The following CAPZB variants were observed in gnomAD, a reference collection of about 807,000 sequenced individuals.
CAPZB encodes F-actin-capping protein subunit beta.
CAPZB carries 2 observed loss-of-function variants against 38.1 expected under a neutral mutation model. The ratio of observed to expected loss-of-function variants is 0.05; its 90% CI spans 0.02 to 0.17. The LOEUF is 0.17. Ranked by LOEUF, CAPZB falls within the 10% of genes least tolerant of loss-of-function variation. The pLI is 1.00. For missense variants in CAPZB, 161 were observed against 334.2 expected (o/e 0.48, Z 4.04); for synonymous variants, 107 against 127.4 (o/e 0.84, Z 1.08).
intron 2 of CAPZB, among the ~76,000 whole-genome samples, chr1:19,393,398 C>T (rs958732182): frequency 2.6e-5 from 4 of 152,204 alleles, no homozygotes; most frequent in Admixed American, 2.0e-4. Flanking sequence ...AACATATCTC[C>T]TTAGGATAAT....
intron 1 of CAPZB, among the ~76,000 whole-genome samples, chr1:19,480,169 G>A (rs1010247850): frequency 2.0e-5 from 3 of 152,080 alleles, no homozygotes; most frequent in East Asian, 1.9e-4. Context: ...CTTTTTGGAC[G>A]CATCTTGCCT....
chr1:19,423,771 T>C (rs1376525159), intron 1 of CAPZB, among the ~76,000 whole-genome samples: 2 of 152,018 alleles, frequency 1.3e-5, no homozygotes, highest in Non-Finnish European at 2.9e-5. Flanking sequence ...CACTGTAGCC[T>C]CCACCTCCCA....
At chr1:19,358,839 C>G (rs940387871) in intron 4 of CAPZB, among the ~76,000 whole-genome samples, 39 of 152,212 alleles carry the variant, frequency 2.6e-4, no homozygotes, top group Non-Finnish European at 4.1e-4. Context: ...AGCACCCTGC[C>G]CTCAGCCCTG....
chr1:19,401,372 GC>G, intron 2 of CAPZB, among the ~76,000 whole-genome samples: 1 of 152,296 alleles, frequency 6.6e-6, no homozygotes, highest in Middle Eastern at 3.4e-3. Flanking sequence ...ATTAGGGAAA[GC>G]TTTGCAAAGC....
chr1:19,450,144 C>CAAAAA lies in CAPZB; in HGVS notation c.4-30399_4-30395dup, dbSNP rs71008167. Among the ~76,000 whole-genome samples, 83 of 35,030 alleles carry CAAAAA rather than the reference C, an allele frequency of 2.4e-3. 1 individual carries two copies. The highest frequency in any genetic ancestry group is 2.6e-3 in the Non-Finnish European group (40 of 15,682). The allele number at this position is 35,030 out of a possible 152,430, so 23.0% of individuals were successfully genotyped here. A position where few individuals can be genotyped will look rare whatever the true frequency, so the allele number is the denominator to read the frequency against. ...GGGCAACAGAGCAAGACCCTGTCTCCAAAAAAAAAAAAAAAAAAAAAAAAA... is the reference window on the plus strand; with the variant it reads ...GGGCAACAGAGCAAGACCCTGTCTCCAAAAAAAAAAAAAAAAAAAAAAAAAAAAAA... On this transcript the variant is annotated intron_variant, in intron 1 of 8. Transcript: ENST00000264202.
intron 8 of CAPZB, among the ~76,000 whole-genome samples, 200 bp downstream of exon 8, chr1:19,344,158 A>G (rs1217418294): frequency 6.6e-6 from 1 of 152,144 alleles, no homozygotes; most frequent in East Asian, 1.9e-4. Flanking sequence ...GCAGATAGGG[A>G]CCGACAGCTG....
chr1:19,359,139 A>T (rs2094038265), intron 4 of CAPZB, among the ~76,000 whole-genome samples: 1 of 152,110 alleles, frequency 6.6e-6, no homozygotes, highest in Admixed American at 6.6e-5. Flanking sequence ...ATGTCTCACC[A>T]AAGCTATTAT....
At chr1:19,366,311 A>ATATATATAT (rs1558189927) in intron 4 of CAPZB, among the ~76,000 whole-genome samples, 675 of 63,110 alleles carry the variant, frequency 0.011, 51 homozygotes, top group African/African-American at 0.04. Flanking sequence ...TATATATATA[A>ATATATATAT]ATAAAATAAA....
At chr1:19,383,876 C>T (rs2094189741) in intron 3 of CAPZB, among the ~76,000 whole-genome samples, 1 of 152,126 alleles carries the variant, frequency 6.6e-6, no homozygotes, top group South Asian at 2.1e-4. Context: ...ACCCCACCTC[C>T]TCTTCTTCCA....
chr1:19,339,672 G>A (rs980078694), intron 8 of CAPZB, 55 bp from the exon 9 acceptor site: 4 of 1,327,220 alleles, frequency 3.0e-6, no homozygotes, highest in Non-Finnish European at 4.4e-6. Flanking sequence ...GTGAGGCGGT[G>A]GAGGCCTGGG....
chr1:19,406,475 T>C (rs1454636391), intron 2 of CAPZB, among the ~76,000 whole-genome samples: 2 of 152,300 alleles, frequency 1.3e-5, no homozygotes, highest in East Asian at 3.9e-4. Context: ...GAGTAACTTC[T>C]TGCCGGTGCT....
rs2093948418 is a variant in CAPZB at position 19,344,218 on chromosome 1, A to C, written c.731+140T>G. The C allele has an allele frequency of 4.4e-6, 3 of 677,322 alleles. No homozygotes were observed. The South Asian group carries it at 5.2e-5, about 12-fold the overall frequency. The allele number at this position is 677,322 out of a possible 1,614,324, so 42.0% of individuals were successfully genotyped here. A position where few individuals can be genotyped will look rare whatever the true frequency, so the allele number is the denominator to read the frequency against. On this transcript the variant is annotated intron_variant, in intron 8 of 8. Transcript: ENST00000264202. ...CAGGACTTTACTTTCCAAAATCAAC[A>C]TAATGATCATCCCAGAAGAGGGGCA...
intron 4 of CAPZB, chr1:19,374,477 C>T (rs1046540932): frequency 2.0e-5 from 3 of 152,266 alleles, no homozygotes; most frequent in Admixed American, 6.5e-5. Context: ...AATTAAAGAC[C>T]CTGTCAACAC....
chr1:19,468,017 C>A (rs1472831349), intron 1 of CAPZB, among the ~76,000 whole-genome samples: 1 of 152,124 alleles, frequency 6.6e-6, no homozygotes, highest in Admixed American at 6.5e-5. Context: ...GCAGGAGGAT[C>A]CCTTGAGCTC....
chr1:19,395,487 G>C (rs2094262228), intron 2 of CAPZB, among the ~76,000 whole-genome samples: 1 of 152,194 alleles, frequency 6.6e-6, no homozygotes, highest in African/African-American at 2.4e-5. Context: ...TTGCCCTCTG[G>C]AATCTCACAG....
chr1:19,403,562 C>T (rs1026730371), intron 2 of CAPZB, among the ~76,000 whole-genome samples: 28 of 152,200 alleles, frequency 1.8e-4, no homozygotes, highest in African/African-American at 6.8e-4. Context: ...ATGTGTTCTC[C>T]GGGCTTGATC....
intron 2 of CAPZB, among the ~76,000 whole-genome samples, chr1:19,390,131 TAATCTAACC>T (rs1038786000): frequency 6.6e-6 from 1 of 152,220 alleles, no homozygotes; most frequent in Non-Finnish European, 1.5e-5. Flanking sequence ...TGTATCTCTG[TAATCTAACC>T]AGTCCCTACA....
intron 1 of CAPZB, among the ~76,000 whole-genome samples, chr1:19,465,440 G>A (rs532709082): frequency 2.6e-5 from 4 of 152,306 alleles, no homozygotes; most frequent in South Asian, 4.1e-4. Context: ...AATTTCTGTT[G>A]TGTACAAATT....
At chr1:19,390,915 C>T (rs149334405) in intron 2 of CAPZB, among the ~76,000 whole-genome samples, 19 of 152,294 alleles carry the variant, frequency 1.2e-4, no homozygotes, top group Middle Eastern at 3.4e-3. Flanking sequence ...CACACAGACA[C>T]GCACTCCAGT....
Sources: allele counts gnomAD v4.1 joint callset (sites outside exome capture counted in the v4.1 genomes callset), GRCh38; gene constraint gnomAD v4.1.1; transcripts MANE v1.5; gene names NCBI Gene and HGNC (gene_info 2026-07-23, HGNC 2026-07-21).